TTF2: variants seen among roughly 807,000 people sequenced by gnomAD.
TTF2 encodes the protein RNA polymerase II termination factor.
TTF2 carries 108 observed loss-of-function variants against 142.4 expected under a neutral mutation model. The ratio of observed to expected loss-of-function variants is 0.76; its 90% CI spans 0.65 to 0.89. TTF2 has a LOEUF of 0.89. Among genes scored for constraint, TTF2 ranks in the 40% least tolerant of loss-of-function variants. TTF2 has a pLI of 0.00. For missense variants in TTF2, 1,327 were observed against 1,379.8 expected (o/e 0.96, Z 0.61); for synonymous variants, 483 against 506.2 (o/e 0.95, Z 0.61).
intron 20 of TTF2, among the ~76,000 whole-genome samples, chr1:117,096,520 G>A (rs1649171798): frequency 6.6e-6 from 1 of 152,198 alleles, no homozygotes; most frequent in Non-Finnish European, 1.5e-5. Context: ...TGGGATTACA[G>A]GCTCCTGCCA....
Position 117,090,180 on chromosome 1 carries a change from A to G in TTF2, c.2468A>G (p.Asp823Gly), listed in dbSNP as rs1385302250. The G allele has an allele frequency of 2.5e-6, 4 of 1,614,086 alleles. No individual in the cohort carries two copies. In the East Asian group the frequency reaches 8.9e-5, roughly 36 times the overall value. Residue 823 changes from aspartate to glycine, a missense_variant, in exon 14 of 23, where the codon GAC becomes GGC. By Grantham distance (94) the Asp-to-Gly change is moderately conservative. Transcript: ENST00000369466. This position sits in a 1 kb window ranked among gnomAD's most constrained non-coding sequence, Gnocchi z 4.8. ...TKSLLLRRTK[D>G]QLDSTGRPLV... ...AGCCTTTTGCTGAGGAGAACAAAAG[A>G]CCAGCTGGACTCTACTGGCAGACCT...
At position 117,101,445 on chromosome 1, in the gene TTF2, C is replaced by T. The variant is rs150510494; in HGVS notation, c.3410C>T (p.Ala1137Val). The change falls in exon 23 of 23, where the codon GCC becomes GTC. Residue 1137 changes from alanine to valine, a missense_variant. By Grantham distance (64) the Ala-to-Val change is moderately conservative (BLOSUM62 0). Coordinates refer to ENST00000369466, the MANE Select transcript of TTF2 (RefSeq NM_003594.4). The surrounding 1 kb of genome is among the most constrained non-coding windows in gnomAD (Gnocchi z 5.9). ...CTCCAAGAAAAAAAGAAAGATTTGGCCAAACAAGTTCTATCAGGGTCTGGA... is the reference window on the plus strand; with the variant it reads ...CTCCAAGAAAAAAAGAAAGATTTGGTCAAACAAGTTCTATCAGGGTCTGGA... ...LQLQEKKKDLAKQVLSGSGES... is the reference protein window; with the variant it reads ...LQLQEKKKDLVKQVLSGSGES... 8.1e-6 allele frequency: 13 copies of T among 1,611,122 alleles called. No individual in the cohort carries two copies. In the African/African-American group the frequency reaches 1.6e-4, roughly 20 times the overall value.
chr1:117,089,036 C>T, intron 13 of TTF2, 54 bp downstream of exon 13: 1 of 1,512,598 alleles, frequency 6.6e-7, no homozygotes, highest in Non-Finnish European at 8.9e-7. Context: ...ATCCCTTCAT[C>T]ATTATTTCAT....
intron 2 of TTF2, 33 bp downstream of exon 2, chr1:117,060,590 C>T (rs1570776983): frequency 1.3e-6 from 2 of 1,559,772 alleles, no homozygotes; most frequent in Admixed American, 3.8e-5. Flanking sequence ...CTCCCTGTGG[C>T]TGCCCGGGGC....
At chr1:117,094,826 C>T (rs544995441) in intron 18 of TTF2, 26 of 360,186 alleles carry the variant, frequency 7.2e-5, no homozygotes, top group South Asian at 5.3e-4. Flanking sequence ...ACAAAAGGTG[C>T]TATGATAGTA....
In TTF2 at chr1:117,090,801, G is replaced by A. The variant is rs565103909; in HGVS notation, c.2588+178G>A. On this transcript the variant is annotated intron_variant, in intron 15 of 22. Coordinates refer to ENST00000369466, the MANE Select transcript of TTF2 (RefSeq NM_003594.4). This position sits in a 1 kb window ranked among gnomAD's most constrained non-coding sequence, Gnocchi z 4.8. ...CTTCTCCCCTCCCCAGCTTACCTCTGTCTCATACACACATGGAAGGCAAAA... is the reference window on the plus strand; with the variant it reads ...CTTCTCCCCTCCCCAGCTTACCTCTATCTCATACACACATGGAAGGCAAAA... Among the ~76,000 whole-genome samples, 2 of 149,832 alleles carry A rather than the reference G, an allele frequency of 1.3e-5. No homozygotes were observed. The highest frequency in any genetic ancestry group is 4.9e-5 in the African/African-American group (2 of 40,606).
In TTF2 at chr1:117,076,313, C is replaced by T. The variant is rs762449945; in HGVS notation, c.1390+19C>T. Reference sequence around the variant, plus strand: ...GAGCAAGGTAAAGTGGCTTATGCCTCAGAACTCCGGGTTTGCATCGACTTT... The same window carrying T: ...GAGCAAGGTAAAGTGGCTTATGCCTTAGAACTCCGGGTTTGCATCGACTTT... On this transcript the variant is annotated intron_variant, in intron 6 of 22. Coordinates refer to ENST00000369466, the MANE Select transcript of TTF2 (RefSeq NM_003594.4). The surrounding 1 kb of genome is among the most constrained non-coding windows in gnomAD (Gnocchi z 4.6). 6.3e-7 allele frequency: 1 copy of T among 1,595,092 alleles called. No individual in the cohort carries two copies. Among genetic ancestry groups the T allele is most frequent in the Non-Finnish European group, 8.6e-7 (1 of 1,165,474 alleles).
rs1649869540 is a variant in TTF2 at position 117,105,460 on chromosome 1, G to A, written c.*3936G>A. The A allele has an allele frequency of 6.6e-6, 1 of 152,376 alleles. No individual in the cohort carries two copies. The highest frequency in any genetic ancestry group is 2.4e-5 in the African/African-American group (1 of 41,424). The allele number at this position is 152,376 out of a possible 1,614,324, so 9.4% of individuals were successfully genotyped here. On this transcript the variant is annotated 3_prime_UTR_variant, in exon 23 of 23. Transcript: ENST00000369466. The surrounding 1 kb of genome is among the most constrained non-coding windows in gnomAD (Gnocchi z 4.7). ...AGGCCCAGCGCAGTGGTTCACACCT[G>A]TAATCCCAGCATTTGGGAGGCTGAG...
chr1:117,093,917 C>T lies in TTF2; in HGVS notation c.2976+1016C>T, dbSNP rs578076216. Among the ~76,000 whole-genome samples the T allele has an allele frequency of 1.1e-4, 16 of 152,292 alleles. No individual in the cohort carries two copies. Among genetic ancestry groups the T allele is most frequent in the East Asian group, 3.9e-4 (2 of 5,184 alleles). On this transcript the variant is annotated intron_variant, in intron 18 of 22. Transcript: ENST00000369466. The surrounding 1 kb of genome is among the most constrained non-coding windows in gnomAD (Gnocchi z 4.5). ...TTCTTACTGGAATTTGACCCCGGCT[C>T]GTGGGCCATAAATCCAGCCCTCCTG...
intron 3 of TTF2, among the ~76,000 whole-genome samples, chr1:117,064,634 C>T (rs900926976): frequency 1.3e-5 from 2 of 152,298 alleles, no homozygotes; most frequent in East Asian, 1.9e-4. Flanking sequence ...TCTTATGCCT[C>T]AGCCTCCCAA....
chr1:117,078,363 A>G (rs935226228), intron 8 of TTF2, among the ~76,000 whole-genome samples: 2 of 152,244 alleles, frequency 1.3e-5, no homozygotes, highest in Non-Finnish European at 2.9e-5. Flanking sequence ...TGTAAATAAA[A>G]CAATTAGCAA....
chr1:117,091,786 C>G (rs778200725), intron 16 of TTF2, 31 bp from the exon 17 acceptor site: 3 of 1,607,574 alleles, frequency 1.9e-6, no homozygotes, highest in Admixed American at 3.4e-5. Context: ...AAATCCTGTA[C>G]CATCCTGTGG....
chr1:117,060,759 G>C (rs1314389757), intron 2 of TTF2, among the ~76,000 whole-genome samples: 3 of 152,210 alleles, frequency 2.0e-5, no homozygotes, highest in Non-Finnish European at 4.4e-5. Context: ...TGTGTGACCC[G>C]AGGCTGGTTA....
intron 19 of TTF2, among the ~76,000 whole-genome samples, chr1:117,095,916 T>C (rs1020582449): frequency 6.6e-6 from 1 of 152,084 alleles, no homozygotes; most frequent in Admixed American, 6.5e-5. Context: ...AGCTACCATT[T>C]TTTTCTGACT....
chr1:117,085,999 G>A lies in TTF2; in HGVS notation c.2055-418G>A, dbSNP rs1161204067. Reference sequence around the variant, plus strand: ...GTTATCTTTCTCCCCTGGGACTTTGGTGTCATCCATCTCAAATCATTATTA... The same window carrying A: ...GTTATCTTTCTCCCCTGGGACTTTGATGTCATCCATCTCAAATCATTATTA... On this transcript the variant is annotated intron_variant, in intron 11 of 22. Transcript: ENST00000369466. The surrounding 1 kb of genome is among the most constrained non-coding windows in gnomAD (Gnocchi z 4.7). Among the ~76,000 whole-genome samples, 1 of 152,078 alleles carries A rather than the reference G, an allele frequency of 6.6e-6. No individual in the cohort carries two copies. The highest frequency in any genetic ancestry group is 1.5e-5 in the Non-Finnish European group (1 of 68,012).
At chr1:117,088,768 A>G in intron 12 of TTF2, 33 bp from the exon 13 acceptor site, 5 of 1,606,650 alleles carry the variant, frequency 3.1e-6, no homozygotes, top group Non-Finnish European at 4.3e-6. Flanking sequence ...ATTTTCCCAT[A>G]TTGTGGCTGG....
chr1:117,091,836 T>C lies in TTF2; in HGVS notation c.2691T>C (p.Ser897=), dbSNP rs1202782295. 6.2e-7 allele frequency: 1 copy of C among 1,613,636 alleles called. No individual in the cohort carries two copies. Among genetic ancestry groups the C allele is most frequent in the African/African-American group, 1.3e-5 (1 of 74,890 alleles). ...PFSRVALEFG[S]EEPRHSEAAD... ...TGGAAGTGGCACTGGAGTTTGGGTC[T>C]GAGGAGCCTAGACACTCGGAGGCAG... Residue 897 remains serine, a synonymous_variant, in exon 17 of 23, where the codon TCT becomes TCC. Coordinates refer to ENST00000369466, the MANE Select transcript of TTF2 (RefSeq NM_003594.4).
Position 117,075,428 on chromosome 1 carries a change from A to C in TTF2, c.844A>C (p.Asn282His). 2 of 1,614,186 alleles carry C rather than the reference A, an allele frequency of 1.2e-6. No individual in the cohort carries two copies. The highest frequency in any genetic ancestry group is 1.7e-6 in the Non-Finnish European group (2 of 1,179,998). Reference protein sequence around the residue: ...ISKPQKGGPLNKEYTNWEAKE... With the variant: ...ISKPQKGGPLHKEYTNWEAKE... Reference sequence around the variant, plus strand: ...CAAGCCCCAGAAAGGGGGACCCCTCAACAAGGAGTACACGAACTGGGAGGC... The same window carrying C: ...CAAGCCCCAGAAAGGGGGACCCCTCCACAAGGAGTACACGAACTGGGAGGC... The change falls in exon 5 of 23, where the codon AAC becomes CAC. Residue 282 changes from asparagine to histidine, a missense_variant. By Grantham distance (68) the Asn-to-His change is moderately conservative. Transcript: ENST00000369466. The surrounding 1 kb of genome is among the most constrained non-coding windows in gnomAD (Gnocchi z 4.5).
intron 3 of TTF2, among the ~76,000 whole-genome samples, chr1:117,071,388 G>GT (rs1252648304): frequency 6.6e-6 from 1 of 152,070 alleles, no homozygotes; most frequent in Non-Finnish European, 1.5e-5. Flanking sequence ...AAGGTATTAG[G>GT]TAAAAAAAGA....
Sources: gnomAD v4.1 joint callset for allele counts (sites outside exome capture counted in the v4.1 genomes callset) on GRCh38, gnomAD v4.1.1 for gene constraint, Gnocchi (gnomAD v3.1) non-coding constraint, MANE v1.5 for transcripts, NCBI Gene and HGNC (gene_info 2026-07-23, HGNC 2026-07-21) for gene names.